Variants in RAPGEF1 observed in about 807,000 individuals in gnomAD.
The protein encoded by RAPGEF1 is CRK SH3-binding GNRP.
Under a neutral mutation model 143.3 loss-of-function variants are expected in RAPGEF1, and 33 were observed. That is an observed-to-expected ratio of 0.23 (90% CI 0.17 to 0.31). The LOEUF (loss-of-function observed/expected upper bound fraction) is 0.31. Ranked by LOEUF, RAPGEF1 falls within the 10% of genes least tolerant of loss-of-function variation. The probability of loss-of-function intolerance (pLI) is 1.00; values close to 1 mark genes in which losing one functional copy is unlikely to be tolerated. For synonymous variants in RAPGEF1, 629 were observed against 676.5 expected (o/e 0.93, Z 1.09); for missense variants, 1,199 against 1,645.4 (o/e 0.73, Z 4.69).
rs1375415157 is a variant in RAPGEF1, at chr9:131,578,264, C to T, written c.*1233G>A. 6 of 152,344 alleles carry T rather than the reference C, an allele frequency of 3.9e-5. No individual in the cohort carries two copies. Among genetic ancestry groups the T allele is most frequent in the Non-Finnish European group, 8.8e-5 (6 of 68,122 alleles). The allele number at this position is 152,344 out of a possible 1,614,324, so 9.4% of individuals were successfully genotyped here. On this transcript the variant is annotated 3_prime_UTR_variant, in exon 27 of 27. Transcript: ENST00000683357. ...TTGCCCAGATTGTCAAGCTCAGCAG[C>T]GAGAATGGTTTTGACGAGGAGGATG...
chr9:131,604,871 GC>G, intron 13 of RAPGEF1, 59 bp downstream of exon 13: 1 of 1,239,000 alleles, frequency 8.1e-7, no homozygotes. Flanking sequence ...AAAACGTGCA[GC>G]CCCATGTGCA....
chr9:131,629,142 G>A lies in RAPGEF1; in HGVS notation c.853C>T (p.Pro285Ser). ...PDATDEEVAP[P>S]KPPLPGIRVV... ...CGAATGCCAGGCAGAGGAGGCTTGG[G>A]GGGCGCGACCTCTTCATCCGTGGCA... Residue 285 changes from proline to serine, a missense_variant, in exon 7 of 27, where the codon CCC (proline) becomes TCC (serine). Transcript: ENST00000683357. 6.2e-7 allele frequency: 1 copy of A among 1,614,006 alleles called. No homozygotes were observed. The highest frequency in any genetic ancestry group is 8.5e-7 in the Non-Finnish European group (1 of 1,179,894).
At chr9:131,729,570 A>T (rs1836891503) in intron 1 of RAPGEF1, among the ~76,000 whole-genome samples, 1 of 152,198 alleles carries the variant, frequency 6.6e-6, no homozygotes, top group Non-Finnish European at 1.5e-5. Context: ...CCCCGGGGGA[A>T]CCCCAGAGTA....
intron 19 of RAPGEF1, 88 bp from the exon 20 acceptor site, chr9:131,589,074 G>A (rs575964872): frequency 1.9e-4 from 247 of 1,316,532 alleles, no homozygotes; most frequent in Non-Finnish European, 2.4e-4. Context: ...AAAGGGCACG[G>A]GGCTGTGACC....
At chr9:131,715,081 C>T (rs923323489) in intron 1 of RAPGEF1, among the ~76,000 whole-genome samples, 5 of 151,926 alleles carry the variant, frequency 3.3e-5, no homozygotes, top group Admixed American at 6.6e-5. Context: ...CACCACGTGT[C>T]GAATGTCATA....
chr9:131,618,702 C>A (rs1588492381), intron 12 of RAPGEF1, among the ~76,000 whole-genome samples: 1 of 152,306 alleles, frequency 6.6e-6, no homozygotes, highest in East Asian at 1.9e-4. Context: ...GTGAGTGACA[C>A]CACACCTGGC....
intron 1 of RAPGEF1, among the ~76,000 whole-genome samples, chr9:131,683,326 A>G (rs1188720222): frequency 6.6e-6 from 1 of 152,270 alleles, no homozygotes. Flanking sequence ...CTTTAGAGAA[A>G]TTAGTTACTG....
In RAPGEF1 at chr9:131,615,141, C is replaced by T. The variant is rs1055131068; in HGVS notation, c.2061+3910G>A. ...AGGCTGGAGCGCAGTGGCGCGATCTCCACTCACCGCAAGCTCCGCCTCCTG... is the reference window on the plus strand; with the variant it reads ...AGGCTGGAGCGCAGTGGCGCGATCTTCACTCACCGCAAGCTCCGCCTCCTG... On this transcript the variant is annotated intron_variant, in intron 12 of 26. Coordinates refer to ENST00000683357, the MANE Select transcript of RAPGEF1 (RefSeq NM_001377935.1). 2.6e-5 allele frequency among the ~76,000 whole-genome samples: 4 copies of T among 152,138 alleles called. No homozygotes were observed. In the South Asian group the frequency reaches 8.3e-4, roughly 31 times the overall value.
chr9:131,594,744 G>A (rs1954948110), intron 17 of RAPGEF1, among the ~76,000 whole-genome samples: 1 of 152,224 alleles, frequency 6.6e-6, no homozygotes, highest in Non-Finnish European at 1.5e-5. Context: ...CACCGGCACG[G>A]AGCGTCCTCT....
At chr9:131,696,846 A>G (rs1834220297) in intron 1 of RAPGEF1, among the ~76,000 whole-genome samples, 1 of 152,240 alleles carries the variant, frequency 6.6e-6, no homozygotes. Flanking sequence ...TACAATATAA[A>G]CACAACAACA....
chr9:131,692,346 G>A (rs933321846), intron 1 of RAPGEF1, among the ~76,000 whole-genome samples: 1 of 152,184 alleles, frequency 6.6e-6, no homozygotes, highest in African/African-American at 2.4e-5. Flanking sequence ...AGCCCTGTTC[G>A]TTGTTTTTGA....
rs555243780 is a variant in RAPGEF1 at position 131,655,036 on chromosome 9, C to A, written c.62-4087G>T. 6.6e-6 allele frequency among the ~76,000 whole-genome samples: 1 copy of A among 152,262 alleles called. No homozygotes were observed. Among genetic ancestry groups the A allele is most frequent in the South Asian group, 2.1e-4 (1 of 4,814 alleles). ...AACCAGAAAACCAAACAAAACAACC[C>A]TCCAAATAAATAGCACGGCACCTTG... is the stretch of plus-strand genomic sequence containing the variant. On this transcript the variant is annotated intron_variant, in intron 1 of 26. Transcript: ENST00000683357. This position sits in a 1 kb window ranked among gnomAD's most constrained non-coding sequence, Gnocchi z 4.1.
intron 1 of RAPGEF1, among the ~76,000 whole-genome samples, chr9:131,689,990 T>G (rs901072393): frequency 1.3e-5 from 2 of 152,198 alleles, no homozygotes; most frequent in African/African-American, 4.8e-5. Flanking sequence ...TGGCATAAAT[T>G]AAATACATGC....
At chr9:131,692,078 T>C (rs942714703) in intron 1 of RAPGEF1, among the ~76,000 whole-genome samples, 8 of 152,242 alleles carry the variant, frequency 5.3e-5, no homozygotes, top group Non-Finnish European at 1.2e-4. Flanking sequence ...GTTGGAAATA[T>C]CAGTTTGGCT....
chr9:131,591,710 G>A lies in RAPGEF1; in HGVS notation c.2774+389C>T, dbSNP rs1171617388. Reference sequence around the variant, plus strand: ...ACGCCCTGGGGCTCAGCTCTGAGAAGCTGCCGGAGCCGACCATGAGGGTCT... The same window carrying A: ...ACGCCCTGGGGCTCAGCTCTGAGAAACTGCCGGAGCCGACCATGAGGGTCT... On this transcript the variant is annotated intron_variant, in intron 18 of 26. Transcript: ENST00000683357. Among the ~76,000 whole-genome samples the A allele has an allele frequency of 2.0e-5, 3 of 152,206 alleles. No homozygotes were observed. The East Asian group carries it at 5.8e-4, about 29-fold the overall frequency.
Position 131,629,274 on chromosome 9 carries a change from T to C in RAPGEF1, c.741-20A>G. 6.2e-7 allele frequency: 1 copy of C among 1,609,696 alleles called. No individual in the cohort carries two copies. Among genetic ancestry groups the C allele is most frequent in the African/African-American group, 1.3e-5 (1 of 74,856 alleles). On this transcript the variant is annotated intron_variant, in intron 6 of 26. Coordinates refer to ENST00000683357, the MANE Select transcript of RAPGEF1 (RefSeq NM_001377935.1). Reference sequence around the variant, plus strand: ...GCTGGGCTGGAGAATTGGGAAGAACTTGGGGTTACAGAAGGTCAAAGGCGG... The same window carrying C: ...GCTGGGCTGGAGAATTGGGAAGAACCTGGGGTTACAGAAGGTCAAAGGCGG...
chr9:131,623,719 T>A (rs1179993592), intron 10 of RAPGEF1, among the ~76,000 whole-genome samples: 1 of 152,182 alleles, frequency 6.6e-6, no homozygotes, highest in Non-Finnish European at 1.5e-5. Context: ...CGGACAGTGA[T>A]CACAAGGCTC....
chr9:131,586,867 T>C (rs1588196280), intron 22 of RAPGEF1, among the ~76,000 whole-genome samples: 2 of 43,368 alleles, frequency 4.6e-5, no homozygotes, highest in Non-Finnish European at 9.1e-5. Flanking sequence ...CACACACACC[T>C]GCAGAGCGAG....
At chr9:131,727,310 C>A (rs771884654) in intron 1 of RAPGEF1, among the ~76,000 whole-genome samples, 1 of 152,170 alleles carries the variant, frequency 6.6e-6, no homozygotes. Flanking sequence ...TGGGAATTTA[C>A]GGCTTGGCAG....
Sources: gnomAD v4.1 joint callset for allele counts (sites outside exome capture counted in the v4.1 genomes callset) on GRCh38, gnomAD v4.1.1 for gene constraint, Gnocchi (gnomAD v3.1) non-coding constraint, MANE v1.5 for transcripts, NCBI Gene and HGNC (gene_info 2026-07-23, HGNC 2026-07-21) for gene names.